Variants in TNS1 observed in about 807,000 individuals in gnomAD.
The protein encoded by TNS1 is tensin-1.
A neutral mutation model predicts 168.6 loss-of-function variants in TNS1; 62 were observed. The observed-to-expected ratio is 0.37, with a 90% CI of 0.30 to 0.45. The LOEUF is 0.45. Ranked by LOEUF, TNS1 falls within the 20% of genes least tolerant of loss-of-function variation. The probability of loss-of-function intolerance (pLI) is 1.00; values close to 1 mark genes in which losing one functional copy is unlikely to be tolerated. For synonymous variants in TNS1, 934 were observed against 933.2 expected, an observed-to-expected ratio of 1.00 and a Z score of -0.02; for missense variants, 2,240 against 2,339.4, an observed-to-expected ratio of 0.96 and a Z score of 0.88.
chr2:217,893,138 A>G (rs1951905266), intron 10 of TNS1, 126 bp from the exon 11 acceptor site: 1 of 1,236,796 alleles, frequency 8.1e-7, no homozygotes, highest in East Asian at 2.4e-5. Flanking sequence ...AAGGGAGAAC[A>G]TAAGGAGGAA....
intron 17 of TNS1, 127 bp from the exon 18 acceptor site, chr2:217,881,141 T>C (rs1373121236): frequency 1.5e-6 from 1 of 661,882 alleles, no homozygotes. Context: ...GACTTCTCAT[T>C]TTCTTGAGCG....
intron 3 of TNS1, among the ~76,000 whole-genome samples, chr2:217,921,869 T>C (rs551247887): frequency 6.6e-6 from 1 of 152,310 alleles, no homozygotes; most frequent in East Asian, 1.9e-4. Flanking sequence ...CTATTGTTAT[T>C]CCCACAGTTG....
intron 18 of TNS1, among the ~76,000 whole-genome samples, chr2:217,865,410 G>C (rs1449433266): frequency 6.6e-6 from 1 of 152,196 alleles, no homozygotes; most frequent in Non-Finnish European, 1.5e-5. Flanking sequence ...GCGCCCATCT[G>C]CTTCTCGAAG....
intron 2 of TNS1, among the ~76,000 whole-genome samples, chr2:217,984,582 A>ACCT (rs1958143315): frequency 6.6e-6 from 1 of 151,840 alleles, no homozygotes; most frequent in African/African-American, 2.4e-5. Flanking sequence ...CGACCTCCCC[A>ACCT]GGCTCAAGTG....
At chr2:217,875,260 T>A (rs993383030) in intron 18 of TNS1, among the ~76,000 whole-genome samples, 1 of 152,184 alleles carries the variant, frequency 6.6e-6, no homozygotes, top group African/African-American at 2.4e-5. Flanking sequence ...TCAGGCCCAC[T>A]GAGAAGGTGG....
In TNS1 at chr2:217,818,496, G is replaced by A. The variant is rs149583172; in HGVS notation, c.3836C>T (p.Pro1279Leu). Residue 1279 changes from proline to leucine, a missense_variant, in exon 24 of 33, where the codon CCT becomes CTT. This residue lies in a region of TNS1 where 2,131 missense variants were observed against 2,171.2 expected (regional missense o/e 0.98). Coordinates refer to ENST00000682258, the MANE Select transcript of TNS1 (RefSeq NM_001387777.1). ...TCTGTGGCGCGCCTGAGGGCTCCCA[G>A]GCACCGTGTGGACGCCAGCCACACT... ...QFSVAGVHTV[P>L]GSPQARHRTV... 28 of 1,614,142 alleles carry A rather than the reference G, an allele frequency of 1.7e-5. No homozygotes were observed. The highest frequency in any genetic ancestry group is 2.2e-5 in the Non-Finnish European group (26 of 1,180,060).
intron 19 of TNS1, among the ~76,000 whole-genome samples, chr2:217,844,352 A>T (rs1050101999): frequency 6.6e-6 from 1 of 152,106 alleles, no homozygotes; most frequent in Non-Finnish European, 1.5e-5. Flanking sequence ...TGGTCATGGC[A>T]TGTTCCCCCC....
At chr2:217,963,005 A>G (rs557469004) in intron 3 of TNS1, among the ~76,000 whole-genome samples, 1 of 152,360 alleles carries the variant, frequency 6.6e-6, no homozygotes, top group Admixed American at 6.5e-5. Flanking sequence ...GAAGGATATA[A>G]GGAAACTCTG....
At chr2:217,823,116 G>GC (rs1943127317) in intron 22 of TNS1, among the ~76,000 whole-genome samples, 1 of 152,196 alleles carries the variant, frequency 6.6e-6, no homozygotes, top group South Asian at 2.1e-4. Context: ...TTGGAGAAGA[G>GC]CCCCCTCCTC....
At chr2:218,010,055 G>A (rs1275892595) in intron 1 of TNS1, 6 of 393,640 alleles carry the variant, frequency 1.5e-5, no homozygotes, top group Non-Finnish European at 2.2e-5. Flanking sequence ...GAGGGAGGGG[G>A]CGGGGGGGGG....
At chr2:217,956,094 A>G (rs888270232) in intron 3 of TNS1, among the ~76,000 whole-genome samples, 3 of 152,124 alleles carry the variant, frequency 2.0e-5, no homozygotes, top group African/African-American at 7.2e-5. Context: ...AGTCAGAGAA[A>G]GGGGCTCCCC....
At position 217,966,140 on chromosome 2, in the gene TNS1, G is replaced by A. The variant is rs565022220; in HGVS notation, c.186+12625C>T. 6.6e-5 allele frequency among the ~76,000 whole-genome samples: 10 copies of A among 152,240 alleles called. No individual in the cohort carries two copies. In the East Asian group the frequency reaches 1.9e-3, roughly 29 times the overall value. Reference sequence around the variant, plus strand: ...ACCCTTGTGTGATGTTTACACAGCCGCAGCGTCAGAAACGCTGAAAAATAT... The same window carrying A: ...ACCCTTGTGTGATGTTTACACAGCCACAGCGTCAGAAACGCTGAAAAATAT... On this transcript the variant is annotated intron_variant, in intron 3 of 32. Transcript: ENST00000682258.
intron 3 of TNS1, among the ~76,000 whole-genome samples, chr2:217,936,141 G>A (rs1006674175): frequency 6.6e-6 from 1 of 152,212 alleles, no homozygotes; most frequent in Non-Finnish European, 1.5e-5. Flanking sequence ...GCTGGGCATG[G>A]CTGCCTCCGA....
intron 18 of TNS1, chr2:217,859,779 C>G: frequency 8.5e-7 from 1 of 1,177,068 alleles, no homozygotes; most frequent in Non-Finnish European, 1.2e-6. Context: ...CACCCAGATC[C>G]GAGAGCCATG....
At chr2:218,007,612 G>A (rs1958671515), upstream of TNS1, among the ~76,000 whole-genome samples, 1 of 151,904 alleles carries the variant, frequency 6.6e-6, no homozygotes, top group African/African-American at 2.4e-5. Flanking sequence ...AGAGAGTGGG[G>A]AGCCAAGGAT....
chr2:218,021,278 G>A (rs1958804555), intron 1 of TNS1, among the ~76,000 whole-genome samples: 1 of 152,188 alleles, frequency 6.6e-6, no homozygotes, highest in Admixed American at 6.5e-5. Flanking sequence ...CCACAGGCCT[G>A]GAAGGAAGAA....
chr2:217,828,181 C>T (rs1464144164), intron 22 of TNS1, among the ~76,000 whole-genome samples: 1 of 152,222 alleles, frequency 6.6e-6, no homozygotes, highest in Non-Finnish European at 1.5e-5. Context: ...AGGGGCCGTT[C>T]CCAGCAGAGG....
chr2:218,031,307 GTA>G (rs1235922963), intron 1 of TNS1, among the ~76,000 whole-genome samples: 1 of 143,544 alleles, frequency 7.0e-6, no homozygotes, highest in Non-Finnish European at 1.5e-5. Flanking sequence ...GTGTCTTTGT[GTA>G]TGAGTGTGGG....
At position 218,032,688 on chromosome 2, in the gene TNS1, G is replaced by A. The variant is rs1958907389; in HGVS notation, c.156+1132C>T. On this transcript the variant is annotated intron_variant, in intron 1 of 1. Coordinates refer to the TNS1 transcript ENST00000649572. The surrounding 1 kb of genome is among the most constrained non-coding windows in gnomAD (Gnocchi z 4.0). ...TCTAGTGAGGCCCCAGGTGATGGGTGCAGGCTGCTCTTCCCTAAACCCCTG... is the reference window on the plus strand; with the variant it reads ...TCTAGTGAGGCCCCAGGTGATGGGTACAGGCTGCTCTTCCCTAAACCCCTG... Among the ~76,000 whole-genome samples, 1 of 152,168 alleles carries A rather than the reference G, an allele frequency of 6.6e-6. No homozygotes were observed. Among genetic ancestry groups the A allele is most frequent in the South Asian group, 2.1e-4 (1 of 4,836 alleles).
Sources: gnomAD v4.1 joint callset for allele counts (sites outside exome capture counted in the v4.1 genomes callset) on GRCh38, gnomAD v4.1.1 for gene constraint, gnomAD v4.1.1 regional missense constraint, Gnocchi (gnomAD v3.1) non-coding constraint, MANE v1.5 for transcripts, NCBI Gene and HGNC (gene_info 2026-07-23, HGNC 2026-07-21) for gene names.